Variants in GALNT12 observed in about 807,000 individuals in gnomAD.
GALNT12 encodes the protein polypeptide N-acetylgalactosaminyltransferase 12.
GALNT12 carries 45 observed loss-of-function variants against 55.5 expected under a neutral mutation model. The observed-to-expected ratio is 0.81, with a 90% CI of 0.64 to 1.04. The LOEUF (loss-of-function observed/expected upper bound fraction) is 1.04, where lower values mean the gene tolerates loss of function less well. Ranked by LOEUF, GALNT12 falls within the 50% of genes least tolerant of loss-of-function variation. GALNT12 has a pLI of 0.00. For synonymous variants in GALNT12, 304 were observed against 312.2 expected, an observed-to-expected ratio of 0.97 and a Z score of 0.28; for missense variants, 709 against 754.8, an observed-to-expected ratio of 0.94 and a Z score of 0.71.
intron 6 of GALNT12, among the ~76,000 whole-genome samples, chr9:98,838,942 G>A (rs1183419498): frequency 2.0e-5 from 3 of 152,156 alleles, no homozygotes; most frequent in Admixed American, 1.3e-4. Flanking sequence ...GTACTCTGCA[G>A]CGCACCTCTT....
chr9:98,847,114 C>T (rs943301720), intron 9 of GALNT12: 1 of 152,044 alleles, frequency 6.6e-6, no homozygotes, highest in East Asian at 1.9e-4. Context: ...ACTTGTAAAT[C>T]GATCATATCC....
At position 98,814,265 on chromosome 9, in the gene GALNT12, A is replaced by T. The variant is rs77078797; in HGVS notation, c.371+6196A>T. ...GTTGGCTCTTGAAAGGGAAATCAAGATGCAGTGTACAGTGAAGAAAGGAGA... is the reference window on the plus strand; with the variant it reads ...GTTGGCTCTTGAAAGGGAAATCAAGTTGCAGTGTACAGTGAAGAAAGGAGA... On this transcript the variant is annotated intron_variant, in intron 1 of 9. Transcript: ENST00000375011. Among the ~76,000 whole-genome samples the T allele has an allele frequency of 4.7e-3, 716 of 152,360 alleles. 5 individuals carry two copies. Among genetic ancestry groups the T allele is most frequent in the African/African-American group, 0.016 (667 of 41,584 alleles).
At position 98,837,128 on chromosome 9, in the gene GALNT12, C is replaced by T. The variant is rs747755624; in HGVS notation, c.1192C>T (p.Arg398Cys). 1.4e-5 allele frequency: 23 copies of T among 1,614,064 alleles called. No individual in the cohort carries two copies. Among genetic ancestry groups the T allele is most frequent in the East Asian group, 1.1e-4 (5 of 44,890 alleles). ...TGAATTTAAAGAGCTCTACTACCAT[C>T]GCAACCCCCGTGCCCGCTTGGTGAG... ...MDEFKELYYH[R>C]NPRARLEPFG... Residue 398 changes from arginine (R) to cysteine (C), a missense_variant, in exon 6 of 10, where the codon CGC becomes TGC. Transcript: ENST00000375011.
At position 98,849,247 on chromosome 9, in the gene GALNT12, T is replaced by C; in HGVS notation, c.*155T>C. 1.4e-6 allele frequency: 1 copy of C among 735,820 alleles called. No individual in the cohort carries two copies. Among genetic ancestry groups the C allele is most frequent in the Non-Finnish European group, 2.3e-6 (1 of 431,014 alleles). The allele number at this position is 735,820 out of a possible 1,614,324, so 45.6% of individuals were successfully genotyped here. A position where few individuals can be genotyped will look rare whatever the true frequency, so the allele number is the denominator to read the frequency against. On this transcript the variant is annotated 3_prime_UTR_variant, in exon 10 of 10. Coordinates refer to ENST00000375011, the MANE Select transcript of GALNT12 (RefSeq NM_024642.5). ...TGCCATTTGTGAAAGTTGTGTTGGA[T>C]TTAGTAAAAATGTGAATAAGCTTTG...
intron 1 of GALNT12, 45 bp from the exon 2 acceptor site, chr9:98,823,211 G>A (rs780126494): frequency 6.9e-6 from 11 of 1,586,012 alleles, no homozygotes; most frequent in Admixed American, 1.7e-5. Flanking sequence ...CCCAGTGCCA[G>A]CCTGGGCTAG....
Position 98,807,886 on chromosome 9 carries a change from C to A in GALNT12, c.188C>A (p.Pro63Gln), listed in dbSNP as rs1481280788. Residue 63 changes from proline (P) to glutamine (Q), a missense_variant, in exon 1 of 10, where the codon CCG (proline) becomes CAG (glutamine). Physicochemically the swap from Pro to Gln is moderately conservative, Grantham distance 76. Coordinates refer to ENST00000375011, the MANE Select transcript of GALNT12 (RefSeq NM_024642.5). ...ACCCCGCGCCCCGGGCGGCGCGAGC[C>A]GGTCATGCCGCGGCCGCCGGTGCCG... The part of the protein sequence containing the change: ...PRTPRPGRRE[P>Q]VMPRPPVPAN... 3 of 1,103,028 alleles carry A rather than the reference C, an allele frequency of 2.7e-6. No individual in the cohort carries two copies. In the East Asian group the frequency reaches 1.5e-4, roughly 55 times the overall value. 68.3% of individuals were successfully genotyped at this position (1,103,028 alleles called of 1,614,324 possible).
chr9:98,841,974 G>A (rs1017821590), intron 7 of GALNT12, among the ~76,000 whole-genome samples: 25 of 152,006 alleles, frequency 1.6e-4, no homozygotes, highest in Admixed American at 1.4e-3. Context: ...CACCATGCCC[G>A]GCCAAGGCAT....
Position 98,826,939 on chromosome 9 carries a change from G to C in GALNT12, c.729G>C (p.Gln243His). ...AAGGGTGGCTGGAGCCGCTGCTGCAGAGGTACGTGAGCCGCCCACCATGGG... is the reference window on the plus strand; with the variant it reads ...AAGGGTGGCTGGAGCCGCTGCTGCACAGGTACGTGAGCCGCCCACCATGGG... ...CHEGWLEPLL[Q>H]RIHEEESAVV... The change falls in exon 3 of 10, where the codon CAG (glutamine) becomes CAC (histidine). Residue 243 changes from glutamine to histidine, a missense_variant and splice_region_variant. Transcript: ENST00000375011. 1 of 1,557,228 alleles carries C rather than the reference G, an allele frequency of 6.4e-7. No homozygotes were observed. Among genetic ancestry groups the C allele is most frequent in the Non-Finnish European group, 8.7e-7 (1 of 1,150,266 alleles).
chr9:98,827,834 T>G (rs1835894800), intron 3 of GALNT12, among the ~76,000 whole-genome samples: 1 of 152,214 alleles, frequency 6.6e-6, no homozygotes, highest in South Asian at 2.1e-4. Context: ...GAAGGGTCCC[T>G]GAAAGTCATA....
intron 6 of GALNT12, 40 bp from the exon 7 acceptor site, chr9:98,839,962 C>G: frequency 6.2e-7 from 1 of 1,613,458 alleles, no homozygotes; most frequent in South Asian, 1.1e-5. Flanking sequence ...AAAGGAAGCA[C>G]TAGGACCCAT....
rs2118529124 is a variant in GALNT12 at position 98,850,074 on chromosome 9, AAC to A, written c.*985_*986del. 5.4e-6 allele frequency: 1 copy of A among 183,910 alleles called. No individual in the cohort carries two copies. The highest frequency in any genetic ancestry group is 2.0e-4 in the South Asian group (1 of 5,106). The allele number at this position is 183,910 out of a possible 1,614,324, so 11.4% of individuals were successfully genotyped here. ...ATATGAATGATTAAAAAGATGTGAG[AAC>A]ACTGACTGCAGATCTTTTTGTACTG... is the stretch of plus-strand genomic sequence containing the variant. On this transcript the variant is annotated 3_prime_UTR_variant, in exon 10 of 10. Coordinates refer to ENST00000375011, the MANE Select transcript of GALNT12 (RefSeq NM_024642.5).
intron 1 of GALNT12, among the ~76,000 whole-genome samples, chr9:98,809,240 C>G (rs1379036480): frequency 1.3e-5 from 2 of 152,220 alleles, no homozygotes; most frequent in African/African-American, 4.8e-5. Context: ...CCCACTGTTT[C>G]CACTGTCTTC....
intron 3 of GALNT12, among the ~76,000 whole-genome samples, chr9:98,831,079 TA>T (rs926269736): frequency 6.6e-6 from 1 of 152,224 alleles, no homozygotes; most frequent in Non-Finnish European, 1.5e-5. Flanking sequence ...AGATTTGTAA[TA>T]ATGTGGAGAG....
At chr9:98,839,571 T>G (rs1343478752) in intron 6 of GALNT12, among the ~76,000 whole-genome samples, 1 of 152,228 alleles carries the variant, frequency 6.6e-6, no homozygotes, top group Non-Finnish European at 1.5e-5. Flanking sequence ...TATTCAGATA[T>G]TAGTAGTAAA....
intron 7 of GALNT12, among the ~76,000 whole-genome samples, chr9:98,840,883 G>A (rs933459805): frequency 2.6e-5 from 4 of 151,982 alleles, no homozygotes; most frequent in African/African-American, 7.3e-5. Context: ...AGCAAATCCC[G>A]GGCATTGTGT....
At chr9:98,833,917 A>G (rs1204996706) in intron 4 of GALNT12, among the ~76,000 whole-genome samples, 5 of 152,036 alleles carry the variant, frequency 3.3e-5, no homozygotes, top group Admixed American at 1.3e-4. Flanking sequence ...TCATCTGTAT[A>G]ATAGGTACCA....
At chr9:98,839,402 T>C (rs941463965) in intron 6 of GALNT12, among the ~76,000 whole-genome samples, 1 of 152,250 alleles carries the variant, frequency 6.6e-6, no homozygotes, top group African/African-American at 2.4e-5. Context: ...TGGCTGCACA[T>C]TTGCGATACT....
At chr9:98,819,237 A>C (rs543283990) in intron 1 of GALNT12, among the ~76,000 whole-genome samples, 9 of 152,204 alleles carry the variant, frequency 5.9e-5, no homozygotes, top group Non-Finnish European at 1.3e-4. Flanking sequence ...GCCTCTGTCT[A>C]AGAGATGGAG....
chr9:98,815,242 A>G (rs1381560132), intron 1 of GALNT12, among the ~76,000 whole-genome samples: 2 of 152,226 alleles, frequency 1.3e-5, no homozygotes. Context: ...CATAGTACCC[A>G]TTGCAACCAA....
Sources: allele counts gnomAD v4.1 joint callset (sites outside exome capture counted in the v4.1 genomes callset), GRCh38; gene constraint gnomAD v4.1.1; transcripts MANE v1.5; gene names NCBI Gene and HGNC (gene_info 2026-07-23, HGNC 2026-07-21).